The following SCARF2 variants were observed in gnomAD, a reference collection of about 807,000 sequenced individuals.
The protein encoded by SCARF2 is scavenger receptor class F member 2.
A neutral mutation model predicts 73.4 loss-of-function variants in SCARF2; 39 were observed. The observed-to-expected ratio is 0.53, with a 90% CI of 0.41 to 0.69. SCARF2 has a LOEUF of 0.69. SCARF2 is among the 30% of genes least tolerant of loss of function. SCARF2 has a pLI of 0.00. For missense variants in SCARF2, 1,148 were observed against 1,303.5 expected (o/e 0.88, Z 1.84); for synonymous variants, 605 against 590.0 (o/e 1.03, Z -0.37).
chr22:20,427,470 A>G lies in SCARF2; in HGVS notation c.1621T>C (p.Trp541Arg), dbSNP rs753321452. ...PSGLEQPSPS[W>R]SSRASFSSFD... is the part of the protein sequence containing the mutation. Reference sequence around the variant, plus strand: ...GAGGAGAAGGAGGCCCGAGAGGACCAGGATGGTGAGGGCTGCTCCAGCCCT... The same window carrying G: ...GAGGAGAAGGAGGCCCGAGAGGACCGGGATGGTGAGGGCTGCTCCAGCCCT... Residue 541 changes from tryptophan (W) to arginine (R), a missense_variant, in exon 10 of 11, where the codon TGG becomes CGG. Around this residue, in one of 5 missense-constraint regions of SCARF2, gnomAD observed 437 missense variants for 433.6 expected, o/e 1.01. Transcript: ENST00000622235. The G allele has an allele frequency of 6.2e-7, 1 of 1,614,188 alleles. No individual in the cohort carries two copies. Among genetic ancestry groups the G allele is most frequent in the South Asian group, 1.1e-5 (1 of 91,080 alleles).
Position 20,429,568 on chromosome 22 carries a change from G to A in SCARF2, c.1392C>T (p.Cys464=), listed in dbSNP as rs1301736869. 8 of 1,613,182 alleles carry A rather than the reference G, an allele frequency of 5.0e-6. No individual in the cohort carries two copies. Among genetic ancestry groups the A allele is most frequent in the East Asian group, 2.2e-5 (1 of 44,872 alleles). Reference sequence around the variant, plus strand: ...TAGGGTCCTTGCCGCGGCAAGCGCAGCAGCAGCCGAGCAGCGAGAGCAGCA... The same window carrying A: ...TAGGGTCCTTGCCGCGGCAAGCGCAACAGCAGCCGAGCAGCGAGAGCAGCA... ...VCLLLSLLGC[C]CACRGKDPTR... The change falls in exon 8 of 11, where the codon TGC becomes TGT. Residue 464 remains cysteine (C), a synonymous_variant. Coordinates refer to ENST00000622235, the MANE Select transcript of SCARF2 (RefSeq NM_182895.5). The surrounding 1 kb of genome is among the most constrained non-coding windows in gnomAD (Gnocchi z 5.2).
At chr22:20,427,929 A>G (rs2052598377) in intron 9 of SCARF2, among the ~76,000 whole-genome samples, 1 of 152,296 alleles carries the variant, frequency 6.6e-6, no homozygotes, top group South Asian at 2.1e-4. Context: ...TTGTGCGAAT[A>G]AGGAAGCCTT....
intron 10 of SCARF2, 66 bp downstream of exon 10, chr22:20,427,332 G>A (rs9622631): frequency 1.9e-6 from 3 of 1,595,552 alleles, no homozygotes; most frequent in Non-Finnish European, 2.6e-6. Context: ...GTCCCACCCA[G>A]AACACAGCTT....
intron 1 of SCARF2, among the ~76,000 whole-genome samples, chr22:20,432,329 G>C (rs571545760): frequency 6.6e-6 from 1 of 152,212 alleles, no homozygotes; most frequent in Non-Finnish European, 1.5e-5. Flanking sequence ...TGGGCCTCAG[G>C]ACCTGCCCAA....
chr22:20,435,729 A>G (rs939635329), intron 1 of SCARF2, among the ~76,000 whole-genome samples: 1 of 152,190 alleles, frequency 6.6e-6, no homozygotes, highest in Non-Finnish European at 1.5e-5. Context: ...CCTAAAGGAA[A>G]CAGCACTCCC....
Position 20,430,910 on chromosome 22 carries a change from TG to T in SCARF2, c.855-3del. 6.3e-7 allele frequency: 1 copy of T among 1,588,884 alleles called. No homozygotes were observed. The stretch of plus-strand genomic sequence containing the variant: ...TGCTGGCCCTTGCACTGGCCACACC[TG>T]GGGGAGGGGTCGGAGGCTAGGGAAG... On this transcript the variant is annotated splice_region_variant and splice_polypyrimidine_tract_variant and intron_variant, in intron 4 of 10. Transcript: ENST00000622235.
chr22:20,427,445 G>A lies in SCARF2; in HGVS notation c.1646C>T (p.Ser549Leu), dbSNP rs150853613. 4.1e-3 allele frequency: 6,599 copies of A among 1,614,176 alleles called. 24 individuals carry two copies. The highest frequency in any genetic ancestry group is 5.1e-3 in the Non-Finnish European group (6,017 of 1,180,030). Residue 549 changes from serine (S) to leucine (L), a missense_variant, in exon 10 of 11, where the codon TCG (serine) becomes TTG (leucine). By Grantham distance (145) the Ser-to-Leu change is moderately radical (BLOSUM62 -2). Coordinates refer to ENST00000622235, the MANE Select transcript of SCARF2 (RefSeq NM_182895.5). ...AGGGCCTTCATCAGTGGTGTCAAAC[G>A]AGGAGAAGGAGGCCCGAGAGGACCA... is the stretch of plus-strand genomic sequence containing the variant. ...PSWSSRASFS[S>L]FDTTDEGPVY...
At chr22:20,428,978 C>T (rs2052610799) in intron 9 of SCARF2, among the ~76,000 whole-genome samples, 1 of 152,118 alleles carries the variant, frequency 6.6e-6, no homozygotes, top group Non-Finnish European at 1.5e-5. Flanking sequence ...ACTCTCAGGG[C>T]CAACGTTTCT....
chr22:20,425,670 A>G lies in SCARF2; in HGVS notation c.2306T>C (p.Met769Thr). ...CTTGCCGCGCAGCTCAGCGGCCAAC[A>G]TGGAGGCAGCCTCGGGCGCGCTTCG... ...PPRSAPEAASMLAAELRGKTR... is the reference protein window; with the variant it reads ...PPRSAPEAASTLAAELRGKTR... Residue 769 changes from methionine (M) to threonine (T), a missense_variant, in exon 11 of 11, where the codon ATG becomes ACG. Physicochemically the swap from Met to Thr is moderately conservative, Grantham distance 81 (BLOSUM62 -1). This residue lies in a region of SCARF2 where 46 missense variants were observed against 80.6 expected (regional missense o/e 0.57). Coordinates refer to ENST00000622235, the MANE Select transcript of SCARF2 (RefSeq NM_182895.5). This position sits in a 1 kb window ranked among gnomAD's most constrained non-coding sequence, Gnocchi z 4.6. 1 of 1,249,452 alleles carries G rather than the reference A, an allele frequency of 8.0e-7. No homozygotes were observed. The highest frequency in any genetic ancestry group is 1.0e-6 in the Non-Finnish European group (1 of 999,090). 77.4% of individuals were successfully genotyped at this position (1,249,452 alleles called of 1,614,324 possible). A position where few individuals can be genotyped will look rare whatever the true frequency, so the allele number is the denominator to read the frequency against.
Position 20,428,494 on chromosome 22 carries a change from G to A in SCARF2, c.1540+731C>T, listed in dbSNP as rs570123558. On this transcript the variant is annotated intron_variant, in intron 9 of 10. Transcript: ENST00000622235. ...TACTTTCGTATTTTTAGTAGAGACC[G>A]GGTTTCTCCATGTTGGTCAGGCTGG... 4.5e-4 allele frequency among the ~76,000 whole-genome samples: 69 copies of A among 152,180 alleles called. 1 individual carries two copies. The South Asian group carries it at 0.011, about 25-fold the overall frequency.
chr22:20,428,920 C>T (rs1439960237), intron 9 of SCARF2, among the ~76,000 whole-genome samples: 1 of 152,130 alleles, frequency 6.6e-6, no homozygotes, highest in African/African-American at 2.4e-5. Flanking sequence ...CTCCTACAGA[C>T]TGGGGGAGCC....
At chr22:20,430,287 C>T (rs1032794179) in intron 6 of SCARF2, 142 bp downstream of exon 6, 10 of 1,050,550 alleles carry the variant, frequency 9.5e-6, no homozygotes, top group Admixed American at 2.8e-5. Context: ...CCCCAAAGAG[C>T]CTACTGTCAC....
Position 20,431,170 on chromosome 22 carries a change from A to G in SCARF2, c.702T>C (p.Arg234=), listed in dbSNP as rs760938916. 3.8e-6 allele frequency: 6 copies of G among 1,565,380 alleles called. No homozygotes were observed. The highest frequency in any genetic ancestry group is 1.8e-5 in the Admixed American group (1 of 54,994). Reference sequence around the variant, plus strand: ...AGCGATCGCAGCGCGCGCCGAACGTACGCTCGCGGCACTGACAGCGGCCGC... The same window carrying G: ...AGCGATCGCAGCGCGCGCCGAACGTGCGCTCGCGGCACTGACAGCGGCCGC... ...QQSGRCQCRE[R]TFGARCDRYC... The change falls in exon 4 of 11, where the codon CGT becomes CGC. Residue 234 remains arginine (R), a synonymous_variant. Coordinates refer to ENST00000622235, the MANE Select transcript of SCARF2 (RefSeq NM_182895.5).
At chr22:20,436,530 G>A (rs1258144869) in intron 1 of SCARF2, among the ~76,000 whole-genome samples, 3 of 151,964 alleles carry the variant, frequency 2.0e-5, no homozygotes, top group African/African-American at 7.2e-5. Flanking sequence ...GCGCGCCTCC[G>A]GACCAGAGTT....
chr22:20,431,731 G>A lies in SCARF2; in HGVS notation c.334+14C>T, dbSNP rs1278439703. 7 of 1,342,694 alleles carry A rather than the reference G, an allele frequency of 5.2e-6. No homozygotes were observed. The allele number at this position is 1,342,694 out of a possible 1,614,324, so 83.2% of individuals were successfully genotyped here. On this transcript the variant is annotated intron_variant, in intron 3 of 10. Coordinates refer to ENST00000622235, the MANE Select transcript of SCARF2 (RefSeq NM_182895.5). Reference sequence around the variant, plus strand: ...CCGCCCCACCGACCAATACCGGCCCGACCCCACGCTCACTGGTGTCGCAGT... The same window carrying A: ...CCGCCCCACCGACCAATACCGGCCCAACCCCACGCTCACTGGTGTCGCAGT...
At chr22:20,434,511 C>T (rs1208360271) in intron 1 of SCARF2, among the ~76,000 whole-genome samples, 2 of 152,206 alleles carry the variant, frequency 1.3e-5, no homozygotes, top group East Asian at 3.9e-4. Flanking sequence ...AGGACAGAGT[C>T]CATTTGGGTT....
intron 1 of SCARF2, among the ~76,000 whole-genome samples, chr22:20,434,979 C>T (rs1021705994): frequency 2.0e-5 from 3 of 152,212 alleles, no homozygotes; most frequent in East Asian, 1.9e-4. Context: ...CTAGCTCCCT[C>T]GGGAAGCTCA....
At chr22:20,427,339 G>A (rs2146122751) in intron 10 of SCARF2, 59 bp downstream of exon 10, 2 of 1,604,146 alleles carry the variant, frequency 1.2e-6, no homozygotes, top group East Asian at 4.5e-5. Flanking sequence ...CCAGAACACA[G>A]CTTTTCCATG....
chr22:20,430,908 C>G lies in SCARF2; in HGVS notation c.855G>C (p.Arg285=), dbSNP rs746820764. The G allele has an allele frequency of 6.3e-7, 1 of 1,591,646 alleles. No individual in the cohort carries two copies. The highest frequency in any genetic ancestry group is 1.7e-5 in the Admixed American group (1 of 58,700). ...GCTGCTGGCCCTTGCACTGGCCACA[C>G]CTGGGGGAGGGGTCGGAGGCTAGGG... ...AGFYGLGCRR[R]CGQCKGQQPC... is the part of the protein sequence containing the mutation. The change falls in exon 5 of 11, where the codon CGG becomes CGC. Residue 285 remains arginine (R), a splice_region_variant and synonymous_variant. Coordinates refer to ENST00000622235, the MANE Select transcript of SCARF2 (RefSeq NM_182895.5).
Sources: allele counts gnomAD v4.1 joint callset (sites outside exome capture counted in the v4.1 genomes callset), GRCh38; gene constraint gnomAD v4.1.1; regional missense constraint gnomAD v4.1.1; non-coding constraint Gnocchi (gnomAD v3.1); transcripts MANE v1.5; gene names NCBI Gene and HGNC (gene_info 2026-07-23, HGNC 2026-07-21).